DGKH: variants seen among roughly 807,000 people sequenced by gnomAD.
DGKH encodes DAG kinase eta.
In DGKH, 90 loss-of-function variants were observed where a neutral mutation model predicts 159.3. The ratio of observed to expected loss-of-function variants is 0.57; its 90% CI spans 0.48 to 0.67. The LOEUF (loss-of-function observed/expected upper bound fraction) is 0.67. Among genes scored for constraint, DGKH ranks in the 30% least tolerant of loss-of-function variants. DGKH has a pLI of 0.00. For missense variants in DGKH, 1,181 were observed against 1,506.1 expected (o/e 0.78, Z 3.57); for synonymous variants, 536 against 553.8 (o/e 0.97, Z 0.45).
intron 23 of DGKH, among the ~76,000 whole-genome samples, chr13:42,209,746 CT>C (rs1957592641): frequency 6.6e-6 from 1 of 152,118 alleles, no homozygotes; most frequent in African/African-American, 2.4e-5. Context: ...GTAAATTCCC[CT>C]GTTAACATCT....
intron 1 of DGKH, among the ~76,000 whole-genome samples, chr13:42,119,860 T>C (rs1255910866): frequency 6.6e-6 from 1 of 152,226 alleles, no homozygotes; most frequent in Non-Finnish European, 1.5e-5. Flanking sequence ...GTCTTGATTT[T>C]TATACCTCTT....
intron 30 of DGKH, chr13:42,256,074 T>C: frequency 2.4e-6 from 3 of 1,268,290 alleles, no homozygotes; most frequent in Non-Finnish European, 3.5e-6. Flanking sequence ...GAACTGATCT[T>C]GCCTGAAAAT....
intron 1 of DGKH, among the ~76,000 whole-genome samples, chr13:42,040,540 G>A (rs1056385126): frequency 5.3e-5 from 8 of 151,768 alleles, no homozygotes; most frequent in Admixed American, 3.3e-4. Flanking sequence ...GAAAAGGGGA[G>A]GGCGCCGGGG....
intron 1 of DGKH, chr13:42,070,398 A>G (rs1470610377): frequency 7.1e-7 from 1 of 1,403,524 alleles, no homozygotes. Context: ...CACCTGCAAA[A>G]AGGGTTTTAC....
At chr13:42,205,944 T>G in intron 20 of DGKH, 95 bp from the exon 21 acceptor site, 4 of 606,472 alleles carry the variant, frequency 6.6e-6, no homozygotes, top group Non-Finnish European at 9.9e-6. Context: ...CTGTGCTCCA[T>G]TGTCCTTCAT....
intron 11 of DGKH, among the ~76,000 whole-genome samples, chr13:42,169,298 T>A (rs1486521101): frequency 6.6e-6 from 1 of 152,178 alleles, no homozygotes; most frequent in Admixed American, 6.5e-5. Context: ...GAACTAGATA[T>A]GTTAAAATAT....
intron 5 of DGKH, among the ~76,000 whole-genome samples, chr13:42,157,072 T>G (rs550471296): frequency 1.3e-5 from 2 of 152,350 alleles, no homozygotes; most frequent in African/African-American, 4.8e-5. Flanking sequence ...TGTAAGAAAC[T>G]TATTCCAAAT....
At chr13:42,185,912 A>G (rs1221072816) in intron 13 of DGKH, among the ~76,000 whole-genome samples, 1 of 152,184 alleles carries the variant, frequency 6.6e-6, no homozygotes, top group African/African-American at 2.4e-5. Context: ...CTAAAAAATA[A>G]TAAAACAAAA....
intron 1 of DGKH, among the ~76,000 whole-genome samples, chr13:42,072,457 G>T (rs7999315): frequency 0.25 from 37,508 of 152,016 alleles, 5,279 homozygotes; most frequent in East Asian, 0.45. Flanking sequence ...ATAAATTATT[G>T]TATTGATGTT....
intron 29 of DGKH, among the ~76,000 whole-genome samples, chr13:42,228,649 A>T (rs868171392): frequency 5.4e-4 from 82 of 151,160 alleles, no homozygotes; most frequent in Admixed American, 1.9e-3. Context: ...GAAAGAAAAG[A>T]AAGAAAGAAG....
intron 1 of DGKH, among the ~76,000 whole-genome samples, chr13:42,099,426 G>A (rs1028601221): frequency 1.3e-5 from 2 of 152,156 alleles, no homozygotes; most frequent in Non-Finnish European, 2.9e-5. Context: ...AAAATGTGGG[G>A]TGTGCTAGGA....
chr13:42,164,879 A>G (rs1956274173), intron 7 of DGKH, among the ~76,000 whole-genome samples: 1 of 152,218 alleles, frequency 6.6e-6, no homozygotes, highest in South Asian at 2.1e-4. Flanking sequence ...CAGGCACTTT[A>G]TAGATTTTAT....
At chr13:42,068,877 A>G in intron 1 of DGKH, 1 of 919,900 alleles carries the variant, frequency 1.1e-6, no homozygotes, top group Non-Finnish European at 1.5e-6. Context: ...CTCTAGTAAT[A>G]AAAAAGACAA....
chr13:42,211,449 A>G (rs1033143253), intron 24 of DGKH, among the ~76,000 whole-genome samples: 3 of 152,124 alleles, frequency 2.0e-5, no homozygotes, highest in African/African-American at 7.2e-5. Context: ...TGTAATCCCA[A>G]CACTTTGGGA....
rs776422302 is a variant in DGKH at position 42,095,156 on chromosome 13, C to CTTTTTTTTTTTTTTT, written c.193-32297_193-32283dup. Among the ~76,000 whole-genome samples, 11 of 76,814 alleles carry CTTTTTTTTTTTTTTT rather than the reference C, an allele frequency of 1.4e-4. 1 individual carries two copies. The highest frequency in any genetic ancestry group is 1.9e-4 in the Admixed American group (1 of 5,256). The allele number at this position is 76,814 out of a possible 152,430, so 50.4% of individuals were successfully genotyped here. A position where few individuals can be genotyped will look rare whatever the true frequency, so the allele number is the denominator to read the frequency against. On this transcript the variant is annotated intron_variant, in intron 1 of 29. Transcript: ENST00000337343. Reference sequence around the variant, plus strand: ...GCAGCCGCTCAATAAATGTTGACTCCTTTTTTTTTTTTTTTTTTTTTTTTG... The same window carrying CTTTTTTTTTTTTTTT: ...GCAGCCGCTCAATAAATGTTGACTCCTTTTTTTTTTTTTTTTTTTTTTTTTTTTTTTTTTTTTTTG...
chr13:42,221,840 C>T (rs576469447), intron 29 of DGKH, among the ~76,000 whole-genome samples: 1 of 152,338 alleles, frequency 6.6e-6, no homozygotes, highest in African/African-American at 2.4e-5. Flanking sequence ...AGACTTACAG[C>T]AATGGCTACT....
At chr13:42,068,694 T>G (rs1282530381) in intron 1 of DGKH, among the ~76,000 whole-genome samples, 2 of 152,342 alleles carry the variant, frequency 1.3e-5, no homozygotes, top group South Asian at 2.1e-4. Context: ...AGTGCATTTC[T>G]TTTGTCTCCT....
intron 1 of DGKH, among the ~76,000 whole-genome samples, chr13:42,119,399 C>T (rs1450196172): frequency 6.6e-6 from 1 of 152,182 alleles, no homozygotes; most frequent in African/African-American, 2.4e-5. Context: ...CTCCTCTTAG[C>T]CGAGGTGGCT....
intron 7 of DGKH, among the ~76,000 whole-genome samples, chr13:42,164,405 A>G (rs1265056904): frequency 1.3e-5 from 2 of 152,242 alleles, no homozygotes; most frequent in Non-Finnish European, 2.9e-5. Context: ...ATTGTAAAGC[A>G]TAATAGAAAA....
Sources: allele counts gnomAD v4.1 joint callset (sites outside exome capture counted in the v4.1 genomes callset), GRCh38; gene constraint gnomAD v4.1.1; transcripts MANE v1.5; gene names NCBI Gene and HGNC (gene_info 2026-07-23, HGNC 2026-07-21).